BANP: variants seen among roughly 807,000 people sequenced by gnomAD.
The protein encoded by BANP is BTG3 associated nuclear protein.
Under a neutral mutation model 68.1 loss-of-function variants are expected in BANP, and 11 were observed. The observed-to-expected ratio is 0.16, with a 90% CI of 0.10 to 0.27. The LOEUF (loss-of-function observed/expected upper bound fraction) is 0.27. Ranked by LOEUF, BANP falls within the 10% of genes least tolerant of loss-of-function variation. The pLI, the probability that BANP is intolerant of heterozygous loss-of-function variation, is 1.00. For synonymous variants in BANP, 329 were observed against 303.2 expected (o/e 1.09, Z -0.88); for missense variants, 504 against 722.7 (o/e 0.70, Z 3.47).
chr16:88,041,281 G>A (rs191375207), intron 11 of BANP, among the ~76,000 whole-genome samples: 2 of 152,302 alleles, frequency 1.3e-5, no homozygotes, highest in Non-Finnish European at 2.9e-5. Context: ...CTGCCGGGGC[G>A]ACGGGTTTGA....
intron 8 of BANP, among the ~76,000 whole-genome samples, chr16:88,029,717 G>T (rs928491892): frequency 1.3e-5 from 2 of 152,108 alleles, no homozygotes; most frequent in East Asian, 3.8e-4. Context: ...TTGTGTCTGT[G>T]AATCGGCTGT....
chr16:88,022,262 C>T (rs1270027028), intron 7 of BANP, among the ~76,000 whole-genome samples: 1 of 152,210 alleles, frequency 6.6e-6, no homozygotes, highest in African/African-American at 2.4e-5. Flanking sequence ...TTGGACTCTG[C>T]ATCCAAGCCG....
intron 8 of BANP, among the ~76,000 whole-genome samples, chr16:88,029,988 G>C (rs1261245344): frequency 6.6e-6 from 1 of 152,258 alleles, no homozygotes; most frequent in Non-Finnish European, 1.5e-5. Context: ...CCCAGGCTGG[G>C]TGGTGGTTGG....
chr16:88,073,277 G>A (rs190680117), intron 13 of BANP, among the ~76,000 whole-genome samples: 10 of 152,356 alleles, frequency 6.6e-5, no homozygotes, highest in South Asian at 2.1e-4. Context: ...TGACGCTCAC[G>A]TCTTCACAGC....
chr16:88,030,829 G>A (rs1006985330), intron 8 of BANP, among the ~76,000 whole-genome samples: 2 of 152,250 alleles, frequency 1.3e-5, no homozygotes, highest in African/African-American at 4.8e-5. Flanking sequence ...TTTTGGAGCT[G>A]CTGGGAGAAG....
intron 11 of BANP, among the ~76,000 whole-genome samples, chr16:88,054,444 C>T (rs1265623448): frequency 6.6e-6 from 1 of 152,136 alleles, no homozygotes; most frequent in Non-Finnish European, 1.5e-5. Flanking sequence ...CCACCTCCAC[C>T]ACTATTATGT....
At position 88,003,350 on chromosome 16, in the gene BANP, A is replaced by G. The variant is rs1331687454; in HGVS notation, c.363-945A>G. ...GACAGTTACAGTGATACTAGGCTAG[A>G]ATTTCCTATGTGCAGATCACAGAAA... On this transcript the variant is annotated intron_variant, in intron 4 of 13. Transcript: ENST00000682872. This position sits in a 1 kb window ranked among gnomAD's most constrained non-coding sequence, Gnocchi z 6.1. 1 of 427,120 alleles carries G rather than the reference A, an allele frequency of 2.3e-6. No homozygotes were observed. The highest frequency in any genetic ancestry group is 7.1e-5 in the East Asian group (1 of 14,116). 26.5% of individuals were successfully genotyped at this position (427,120 alleles called of 1,614,324 possible). A position where few individuals can be genotyped will look rare whatever the true frequency, so the allele number is the denominator to read the frequency against.
At position 88,004,648 on chromosome 16, in the gene BANP, G is replaced by C. The variant is rs531315451; in HGVS notation, c.479+237G>C. ...CTGCCGCCGGGGACTTCTGTGTCTC[G>C]TGCTGGCCGGGGTTGTGGAGGGGGC... On this transcript the variant is annotated intron_variant, in intron 5 of 13. Coordinates refer to ENST00000682872, the MANE Select transcript of BANP (RefSeq NM_001386991.1). This position sits in a 1 kb window ranked among gnomAD's most constrained non-coding sequence, Gnocchi z 7.0. Among the ~76,000 whole-genome samples, 5 of 152,164 alleles carry C rather than the reference G, an allele frequency of 3.3e-5. No individual in the cohort carries two copies. Among genetic ancestry groups the C allele is most frequent in the Non-Finnish European group, 5.9e-5 (4 of 68,028 alleles).
rs1473429852 is a variant in BANP at position 88,013,559 on chromosome 16, TGTGACGTGGGC to T, written c.656-4865_656-4855del. On this transcript the variant is annotated intron_variant, in intron 6 of 13. Coordinates refer to ENST00000682872, the MANE Select transcript of BANP (RefSeq NM_001386991.1). ...TGGGACGGGCTCTCTCTCAGTGTGG[TGTGACGTGGGC>T]GTGCCCCATGCCTAGTCCTTAGACT... Among the ~76,000 whole-genome samples the T allele has an allele frequency of 8.5e-5, 13 of 152,316 alleles. No individual in the cohort carries two copies. In the East Asian group the frequency reaches 2.5e-3, roughly 29 times the overall value.
At chr16:87,967,783 C>T (rs2060331156) in intron 1 of BANP, among the ~76,000 whole-genome samples, 1 of 151,306 alleles carries the variant, frequency 6.6e-6, no homozygotes, top group Non-Finnish European at 1.5e-5. Flanking sequence ...CCACCACGCC[C>T]TGCTAATTTT....
intron 11 of BANP, among the ~76,000 whole-genome samples, chr16:88,058,059 T>C (rs755124173): frequency 3.3e-5 from 5 of 152,152 alleles, no homozygotes; most frequent in Non-Finnish European, 2.9e-5. Flanking sequence ...TTTTTCACTC[T>C]GAGAGTGAAC....
intron 7 of BANP, among the ~76,000 whole-genome samples, chr16:88,024,951 T>G: frequency 6.6e-6 from 1 of 152,246 alleles, no homozygotes; most frequent in East Asian, 1.9e-4. Context: ...TGTTTTAGAT[T>G]TATCTTCTTT....
chr16:88,009,616 A>G (rs2072401177), intron 6 of BANP, among the ~76,000 whole-genome samples: 1 of 152,238 alleles, frequency 6.6e-6, no homozygotes, highest in Non-Finnish European at 1.5e-5. Context: ...AAAGCAGGGA[A>G]CAGTAGACTG....
chr16:88,003,798 CCTTT>C lies in BANP; in HGVS notation c.363-491_363-488del. On this transcript the variant is annotated intron_variant, in intron 4 of 13. Coordinates refer to ENST00000682872, the MANE Select transcript of BANP (RefSeq NM_001386991.1). The surrounding 1 kb of genome is among the most constrained non-coding windows in gnomAD (Gnocchi z 6.1). ...TCCCAAGTCCAACGTGATGTTTGCC[CCTTT>C]CTTTCCAGGGCGCTACCGTTTTGGA... The C allele has an allele frequency of 3.2e-6, 1 of 312,566 alleles. No individual in the cohort carries two copies. The highest frequency in any genetic ancestry group is 6.3e-6 in the Non-Finnish European group (1 of 159,988). The allele number at this position is 312,566 out of a possible 1,614,324, so 19.4% of individuals were successfully genotyped here. A position where few individuals can be genotyped will look rare whatever the true frequency, so the allele number is the denominator to read the frequency against.
intron 4 of BANP, among the ~76,000 whole-genome samples, chr16:87,995,905 G>A (rs148948646): frequency 0.016 from 2,452 of 152,368 alleles, 30 homozygotes; most frequent in Non-Finnish European, 0.024. Context: ...GGGTTCCTGC[G>A]GTGCCCGGGG....
Position 87,975,182 on chromosome 16 carries a change from C to G in BANP, c.67C>G (p.Pro23Ala). 6.2e-7 allele frequency: 1 copy of G among 1,613,872 alleles called. No individual in the cohort carries two copies. The highest frequency in any genetic ancestry group is 8.5e-7 in the Non-Finnish European group (1 of 1,179,778). ...IAVEDLSPDH[P>A]VVLENHVVTD... ...AGTGGAAGACCTGAGCCCTGACCAC[C>G]CAGGTACAGAGCTGTGGGACAGTAG... The change falls in exon 2 of 14, where the codon CCA becomes GCA. Residue 23 changes from proline to alanine, a missense_variant. Around this residue, in one of 3 missense-constraint regions of BANP, gnomAD observed 238 missense variants for 278.9 expected, o/e 0.85. Transcript: ENST00000682872.
At chr16:87,990,605 G>A (rs1459488078) in intron 4 of BANP, among the ~76,000 whole-genome samples, 1 of 152,170 alleles carries the variant, frequency 6.6e-6, no homozygotes, top group Non-Finnish European at 1.5e-5. Flanking sequence ...AGAGCTGCGT[G>A]AATTGTGAAG....
chr16:87,976,270 A>G (rs1415644607), intron 2 of BANP, among the ~76,000 whole-genome samples: 3 of 152,228 alleles, frequency 2.0e-5, no homozygotes, highest in Admixed American at 2.0e-4. Flanking sequence ...TAATTCTTCC[A>G]CGGACAGTGC....
intron 4 of BANP, among the ~76,000 whole-genome samples, chr16:87,987,811 G>A (rs2064863187): frequency 6.6e-6 from 1 of 150,868 alleles, no homozygotes; most frequent in African/African-American, 2.4e-5. Context: ...TGTGATGCAG[G>A]CTGGAGTACA....
Sources: gnomAD v4.1 joint callset for allele counts (sites outside exome capture counted in the v4.1 genomes callset) on GRCh38, gnomAD v4.1.1 for gene constraint, gnomAD v4.1.1 regional missense constraint, Gnocchi (gnomAD v3.1) non-coding constraint, MANE v1.5 for transcripts, NCBI Gene and HGNC (gene_info 2026-07-23, HGNC 2026-07-21) for gene names.